MMP16: variants seen among roughly 807,000 people sequenced by gnomAD.
MMP16 encodes matrix metallopeptidase 16.
MMP16 carries 12 observed loss-of-function variants against 67.8 expected under a neutral mutation model. The observed-to-expected ratio is 0.18, with a 90% CI of 0.11 to 0.29. MMP16 has a LOEUF of 0.29. Among genes scored for constraint, MMP16 ranks in the 10% least tolerant of loss-of-function variants. MMP16 has a pLI of 1.00. For missense variants in MMP16, 475 were observed against 765.7 expected (o/e 0.62, Z 4.48); for synonymous variants, 249 against 255.9 (o/e 0.97, Z 0.26).
At chr8:88,223,879 A>G (rs9773121) in intron 1 of MMP16, among the ~76,000 whole-genome samples, 151,462 of 152,142 alleles carry the variant, frequency 1, 75,396 homozygotes, top group Admixed American at 1. Flanking sequence ...GGAAATATTG[A>G]TATGGACCTG....
At chr8:88,278,700 G>C (rs1810686506) in intron 1 of MMP16, among the ~76,000 whole-genome samples, 1 of 152,186 alleles carries the variant, frequency 6.6e-6, no homozygotes, top group Non-Finnish European at 1.5e-5. Context: ...AATGATGACA[G>C]AGTCATTTTT....
chr8:88,162,351 G>C (rs1220012219), intron 4 of MMP16, among the ~76,000 whole-genome samples: 2 of 151,938 alleles, frequency 1.3e-5, no homozygotes, highest in African/African-American at 4.8e-5. Context: ...ATGTTTTTAA[G>C]AACAAACATA....
intron 1 of MMP16, among the ~76,000 whole-genome samples, chr8:88,261,374 C>T (rs887046049): frequency 6.6e-6 from 1 of 152,000 alleles, no homozygotes; most frequent in African/African-American, 2.4e-5. Flanking sequence ...AAATATGTTA[C>T]TGTATAATCA....
intron 6 of MMP16, among the ~76,000 whole-genome samples, chr8:88,105,275 G>T (rs1416535276): frequency 2.0e-5 from 3 of 151,222 alleles, no homozygotes; most frequent in Non-Finnish European, 3.0e-5. Flanking sequence ...GGCCAAAAAG[G>T]TGCAGTAGAT....
intron 4 of MMP16, among the ~76,000 whole-genome samples, chr8:88,133,574 G>A (rs1317030055): frequency 1.3e-5 from 2 of 151,778 alleles, no homozygotes; most frequent in African/African-American, 4.8e-5. Flanking sequence ...ATGCTATAAT[G>A]AGTAATTCAG....
At chr8:88,180,296 C>T (rs1394003920) in intron 3 of MMP16, among the ~76,000 whole-genome samples, 3 of 149,724 alleles carry the variant, frequency 2.0e-5, no homozygotes, top group Non-Finnish European at 3.0e-5. Flanking sequence ...AAAAAAAAGT[C>T]AATACTAAAT....
In MMP16 at chr8:88,186,502, T is replaced by G; in HGVS notation, c.378A>C (p.Lys126Asn). ...RRKRYALTGQ[K>N]WQHKHITYSI... is the part of the protein sequence containing the mutation. ...TGTAAGTGATGTGCTTGTGCTGCCA[T>G]TTCTGTCCTGTCAATGCATATCGCT... Residue 126 changes from lysine to asparagine, a missense_variant, in exon 3 of 10, where the codon AAA becomes AAC. By Grantham distance (94) the Lys-to-Asn change is moderately conservative. This residue lies in a region of MMP16 where 170 missense variants were observed against 239.6 expected (regional missense o/e 0.71). Transcript: ENST00000286614. 6.2e-7 allele frequency: 1 copy of G among 1,613,454 alleles called. No individual in the cohort carries two copies.
At chr8:88,132,140 A>T (rs1808040382) in intron 4 of MMP16, among the ~76,000 whole-genome samples, 1 of 151,858 alleles carries the variant, frequency 6.6e-6, no homozygotes, top group Non-Finnish European at 1.5e-5. Context: ...GAGATTTTTT[A>T]AAATATGCCA....
intron 4 of MMP16, among the ~76,000 whole-genome samples, chr8:88,165,759 T>G (rs558776000): frequency 4.5e-4 from 69 of 152,208 alleles, no homozygotes; most frequent in South Asian, 1.7e-3. Flanking sequence ...CACTTCTACC[T>G]ACAATGCTTA....
intron 1 of MMP16, among the ~76,000 whole-genome samples, chr8:88,290,568 A>T (rs1043655919): frequency 7.3e-5 from 11 of 151,660 alleles, no homozygotes; most frequent in Non-Finnish European, 2.9e-5. Context: ...AAAAAAATTG[A>T]CCTAATTATT....
intron 1 of MMP16, among the ~76,000 whole-genome samples, chr8:88,207,360 GT>G (rs1409356570): frequency 6.6e-6 from 1 of 152,120 alleles, no homozygotes; most frequent in Non-Finnish European, 1.5e-5. Context: ...CCCAAATGTT[GT>G]ATCTGCTGAA....
At chr8:88,134,504 C>A (rs911855999) in intron 4 of MMP16, among the ~76,000 whole-genome samples, 21 of 151,334 alleles carry the variant, frequency 1.4e-4, no homozygotes, top group Non-Finnish European at 2.2e-4. Flanking sequence ...TTTTGTAAGC[C>A]AATTTTTTTT....
At chr8:88,312,280 A>G (rs893625295) in intron 1 of MMP16, among the ~76,000 whole-genome samples, 1 of 152,206 alleles carries the variant, frequency 6.6e-6, no homozygotes, top group Admixed American at 6.5e-5. Context: ...AGCCTTGATC[A>G]CCCAATCTTT....
chr8:88,283,526 C>A (rs1810775043), intron 1 of MMP16, among the ~76,000 whole-genome samples: 1 of 152,128 alleles, frequency 6.6e-6, no homozygotes, highest in African/African-American at 2.4e-5. Flanking sequence ...AGAAACTTGA[C>A]AGGGCTATGC....
chr8:88,260,023 A>T (rs1394655634), intron 1 of MMP16, among the ~76,000 whole-genome samples: 1 of 152,208 alleles, frequency 6.6e-6, no homozygotes, highest in Non-Finnish European at 1.5e-5. Flanking sequence ...AACTTAGTTG[A>T]CCAAATGAGG....
At chr8:88,312,360 A>C (rs370738372) in intron 1 of MMP16, among the ~76,000 whole-genome samples, 55 of 152,250 alleles carry the variant, frequency 3.6e-4, no homozygotes, top group East Asian at 3.3e-3. Context: ...TTTCCATCTT[A>C]ATTTAGGCTA....
chr8:88,185,767 C>T (rs935758915), intron 3 of MMP16, among the ~76,000 whole-genome samples: 1 of 151,950 alleles, frequency 6.6e-6, no homozygotes, highest in Non-Finnish European at 1.5e-5. Context: ...GTTGGATGAC[C>T]CTGGTTTACA....
intron 7 of MMP16, among the ~76,000 whole-genome samples, chr8:88,074,143 A>G (rs1808606796): frequency 6.6e-6 from 1 of 152,216 alleles, no homozygotes; most frequent in Admixed American, 6.5e-5. Context: ...TGATAATTGG[A>G]TAATTCTAAG....
At chr8:88,272,384 T>C (rs1326153005) in intron 1 of MMP16, among the ~76,000 whole-genome samples, 2 of 152,198 alleles carry the variant, frequency 1.3e-5, no homozygotes, top group East Asian at 3.8e-4. Context: ...TGCTTGAACA[T>C]ATGTGCTATA....
Sources: gnomAD v4.1 joint callset for allele counts (sites outside exome capture counted in the v4.1 genomes callset) on GRCh38, gnomAD v4.1.1 for gene constraint, gnomAD v4.1.1 regional missense constraint, MANE v1.5 for transcripts, NCBI Gene and HGNC (gene_info 2026-07-23, HGNC 2026-07-21) for gene names.